The following CD46 variants were observed in gnomAD, a reference collection of about 807,000 sequenced individuals.
CD46 encodes the protein CD46 molecule.
In CD46, 30 loss-of-function variants were observed where a neutral mutation model predicts 53.3. The observed-to-expected ratio is 0.56, with a 90% CI of 0.42 to 0.76. The LOEUF (loss-of-function observed/expected upper bound fraction) is 0.76, where lower values mean the gene tolerates loss of function less well. CD46 is among the 30% of genes least tolerant of loss of function. CD46 has a pLI of 0.00. For synonymous variants in CD46, 142 were observed against 152.0 expected, an observed-to-expected ratio of 0.93 and a Z score of 0.48; for missense variants, 409 against 463.0, an observed-to-expected ratio of 0.88 and a Z score of 1.07.
chr1:207,757,588 C>A lies in CD46; in HGVS notation c.335C>A (p.Pro112His). The A allele has an allele frequency of 6.2e-7, 1 of 1,611,916 alleles. No homozygotes were observed. Among genetic ancestry groups the A allele is most frequent in the East Asian group, 2.2e-5 (1 of 44,810 alleles). Reference sequence around the variant, plus strand: ...GATCCTTTAAATGGCCAAGCAGTCCCTGCAAATGGGACTTACGAGTTTGGT... The same window carrying A: ...GATCCTTTAAATGGCCAAGCAGTCCATGCAAATGGGACTTACGAGTTTGGT... ...IRDPLNGQAV[P>H]ANGTYEFGYQ... is the part of the protein sequence containing the mutation. Residue 112 changes from proline to histidine, a missense_variant, in exon 3 of 13, where the codon CCT becomes CAT. By Grantham distance (77) the Pro-to-His change is moderately conservative. Transcript: ENST00000367042.
In CD46 at chr1:207,759,638, GTTA is replaced by G; in HGVS notation, c.393_395del (p.Tyr132del). On this transcript the variant is annotated inframe_deletion and splice_region_variant, in exon 4 of 13. Coordinates refer to ENST00000367042, the MANE Select transcript of CD46 (RefSeq NM_172351.3). Reference sequence around the variant, plus strand: ...CAGTAACCCTTTCTTTTCTCATTTAGTTATTACTTAATTGGTGAAGAAATTCTA... The same window carrying G: ...CAGTAACCCTTTCTTTTCTCATTTAGTTACTTAATTGGTGAAGAAATTCTA... The G allele has an allele frequency of 1.3e-6, 2 of 1,503,320 alleles. No homozygotes were observed. Among genetic ancestry groups the G allele is most frequent in the Non-Finnish European group, 1.9e-6 (2 of 1,080,278 alleles). The allele number at this position is 1,503,320 out of a possible 1,614,324, so 93.1% of individuals were successfully genotyped here.
chr1:207,767,943 C>T (rs937748345), intron 7 of CD46, 120 bp downstream of exon 7: 21 of 807,058 alleles, frequency 2.6e-5, no homozygotes, highest in Non-Finnish European at 4.5e-5. Flanking sequence ...GGAGGGAGGA[C>T]ATTTGTATAG....
chr1:207,783,383 A>C, intron 9 of CD46, 53 bp downstream of exon 9: 1 of 1,128,428 alleles, frequency 8.9e-7, no homozygotes, highest in East Asian at 2.4e-5. Flanking sequence ...AGAAACGTGT[A>C]GGTAATTAGT....
intron 8 of CD46, among the ~76,000 whole-genome samples, chr1:207,773,848 ATG>A (rs1657792509): frequency 6.6e-6 from 1 of 152,224 alleles, no homozygotes; most frequent in African/African-American, 2.4e-5. Flanking sequence ...GCTGAGAAGA[ATG>A]TATATTCTAT....
intron 5 of CD46, among the ~76,000 whole-genome samples, chr1:207,763,955 CTTT>C (rs11345183): frequency 1.1e-4 from 14 of 126,540 alleles, no homozygotes; most frequent in South Asian, 2.5e-4. Context: ...AGCTGCTACA[CTTT>C]TTTTTTTTTT....
intron 12 of CD46, among the ~76,000 whole-genome samples, chr1:207,791,445 C>T (rs1057340571): frequency 6.6e-6 from 1 of 152,152 alleles, no homozygotes; most frequent in African/African-American, 2.4e-5. Context: ...ACTGTGATAC[C>T]GTGACAGTCA....
At position 207,767,065 on chromosome 1, in the gene CD46, T is replaced by C. The variant is rs1275007278; in HGVS notation, c.726T>C (p.Phe242=). The C allele has an allele frequency of 5.0e-6, 8 of 1,613,706 alleles. No homozygotes were observed. The highest frequency in any genetic ancestry group is 6.8e-6 in the Non-Finnish European group (8 of 1,179,748). ...VVENGKQISG[F]GKKFYYKATV... ...AAAATGGAAAACAGATATCAGGATT[T>C]GGAAAAAAATTTTACTACAAAGCAA... Residue 242 remains phenylalanine (F), a synonymous_variant, in exon 6 of 13, where the codon TTT becomes TTC. Transcript: ENST00000367042.
chr1:207,761,754 T>A (rs559332435), intron 5 of CD46, among the ~76,000 whole-genome samples: 1 of 152,120 alleles, frequency 6.6e-6, no homozygotes, highest in Non-Finnish European at 1.5e-5. Context: ...AAAGAAAGTT[T>A]CATCTTGTAT....
At chr1:207,791,567 G>T (rs1558085533) in intron 12 of CD46, among the ~76,000 whole-genome samples, 2 of 152,206 alleles carry the variant, frequency 1.3e-5, no homozygotes, top group African/African-American at 2.4e-5. Context: ...GACAGTGTGA[G>T]ATTTCATCAT....
intron 5 of CD46, among the ~76,000 whole-genome samples, chr1:207,766,265 T>C (rs1188624091): frequency 1.3e-5 from 2 of 152,218 alleles, no homozygotes; most frequent in East Asian, 3.8e-4. Context: ...CTGATACAGC[T>C]GTACACTTGA....
chr1:207,786,164 A>G (rs988893939), intron 11 of CD46: 2 of 156,274 alleles, frequency 1.3e-5, no homozygotes, highest in Non-Finnish European at 2.8e-5. Flanking sequence ...TAAATACCCA[A>G]TTTGGTGTCT....
In CD46 at chr1:207,759,629, T is replaced by A; in HGVS notation, c.390-10T>A. ...TATACAAAACAGTAACCCTTTCTTT[T>A]CTCATTTAGTTATTACTTAATTGGT... is the stretch of plus-strand genomic sequence containing the variant. On this transcript the variant is annotated splice_polypyrimidine_tract_variant and intron_variant, in intron 3 of 12. Coordinates refer to ENST00000367042, the MANE Select transcript of CD46 (RefSeq NM_172351.3). The A allele has an allele frequency of 2.8e-6, 4 of 1,424,036 alleles. No individual in the cohort carries two copies. The highest frequency in any genetic ancestry group is 4.0e-6 in the Non-Finnish European group (4 of 1,008,776). The allele number at this position is 1,424,036 out of a possible 1,614,324, so 88.2% of individuals were successfully genotyped here.
intron 9 of CD46, 125 bp from the exon 10 acceptor site, chr1:207,784,946 C>T (rs1187519321): frequency 1.9e-5 from 15 of 778,392 alleles, no homozygotes; most frequent in East Asian, 5.4e-5. Context: ...ATGGGAATTG[C>T]GATTCAAGAT....
chr1:207,761,546 C>T (rs1656218109), intron 5 of CD46, 100 bp downstream of exon 5: 3 of 909,462 alleles, frequency 3.3e-6, no homozygotes, highest in East Asian at 2.5e-5. Context: ...TATGTGCTTC[C>T]TCCTCCTGTA....
chr1:207,760,303 T>C (rs2724389), intron 4 of CD46: 94,059 of 152,718 alleles, frequency 0.62, 29,354 homozygotes, highest in East Asian at 0.91. Context: ...ATTTTTTGCA[T>C]ATCTCTTCAA....
At chr1:207,790,173 T>C in intron 11 of CD46, 80 bp from the exon 12 acceptor site, 1 of 794,834 alleles carries the variant, frequency 1.3e-6, no homozygotes, top group Non-Finnish European at 2.3e-6. Flanking sequence ...CACTGGATTT[T>C]ATCCCACTTG....
chr1:207,782,820 G>GTTTT (rs35223061), intron 8 of CD46, among the ~76,000 whole-genome samples: 1 of 133,868 alleles, frequency 7.5e-6, no homozygotes, highest in Non-Finnish European at 1.6e-5. Context: ...GCTAATTTTT[G>GTTTT]TTTTTTTTTT....
intron 12 of CD46, among the ~76,000 whole-genome samples, chr1:207,791,394 C>T (rs1042360073): frequency 6.6e-6 from 1 of 152,200 alleles, no homozygotes; most frequent in Non-Finnish European, 1.5e-5. Flanking sequence ...CTCTTGTGCT[C>T]TGAGGCCACT....
At chr1:207,780,288 C>T (rs1403179806) in intron 8 of CD46, among the ~76,000 whole-genome samples, 2 of 151,970 alleles carry the variant, frequency 1.3e-5, no homozygotes, top group African/African-American at 2.4e-5. Context: ...TATGGCATCC[C>T]ACTATTTGTC....
Sources: gnomAD v4.1 joint callset for allele counts (sites outside exome capture counted in the v4.1 genomes callset) on GRCh38, gnomAD v4.1.1 for gene constraint, MANE v1.5 for transcripts, NCBI Gene and HGNC (gene_info 2026-07-23, HGNC 2026-07-21) for gene names.